RBFOX1: variants seen among roughly 807,000 people sequenced by gnomAD.
RBFOX1 encodes the protein RNA binding protein fox-1 homolog 1.
RBFOX1 carries 8 observed loss-of-function variants against 57.7 expected under a neutral mutation model. That is an observed-to-expected ratio of 0.14 (90% CI 0.08 to 0.25). The LOEUF (loss-of-function observed/expected upper bound fraction) is 0.25, where lower values mean the gene tolerates loss of function less well. RBFOX1 is among the 10% of genes least tolerant of loss of function. The probability of loss-of-function intolerance (pLI) is 1.00; values close to 1 mark genes in which losing one functional copy is unlikely to be tolerated. For synonymous variants in RBFOX1, 326 were observed against 222.4 expected (o/e 1.47, Z -4.15); for missense variants, 611 against 548.5 (o/e 1.11, Z -1.14).
intron 3 of RBFOX1, among the ~76,000 whole-genome samples, chr16:6,902,243 C>T (rs879891752): frequency 6.6e-6 from 1 of 152,142 alleles, no homozygotes; most frequent in African/African-American, 2.4e-5. Flanking sequence ...ATGTAACTCA[C>T]AGTTTCTGTA....
At chr16:7,332,772 A>C (rs147454622) in intron 4 of RBFOX1, 4 of 1,383,974 alleles carry the variant, frequency 2.9e-6, no homozygotes, top group Non-Finnish European at 3.7e-6. Flanking sequence ...GGTAGCTTCA[A>C]CTTTGCAGCT....
In RBFOX1 at chr16:6,988,731, A is replaced by ATTTTTTTT. The variant is rs111959126; in HGVS notation, c.-15-63322_-15-63315dup. ...AGGTGTGTGACATCACACCCAGCTA[A>ATTTTTTTT]TTTTTTTTTTTGTTTGTTTGTTTTT... On this transcript the variant is annotated intron_variant, in intron 3 of 15. Transcript: ENST00000550418. Among the ~76,000 whole-genome samples, 17 of 91,288 alleles carry ATTTTTTTT rather than the reference A, an allele frequency of 1.9e-4. 2 individuals are homozygous for ATTTTTTTT. Among genetic ancestry groups the ATTTTTTTT allele is most frequent in the African/African-American group, 6.9e-4 (13 of 18,726 alleles). 59.9% of individuals were successfully genotyped at this position (91,288 alleles called of 152,430 possible).
intron 3 of RBFOX1, among the ~76,000 whole-genome samples, chr16:6,970,537 G>A (rs2085307288): frequency 6.6e-6 from 1 of 152,164 alleles, no homozygotes; most frequent in Admixed American, 6.5e-5. Context: ...AGTGTCCGGT[G>A]AGGGCTGAGT....
intron 1 of RBFOX1, among the ~76,000 whole-genome samples, chr16:6,285,828 C>G (rs1422918942): frequency 6.6e-6 from 1 of 152,136 alleles, no homozygotes. Context: ...CGGATCCCAT[C>G]CAGAAGCATC....
At chr16:6,859,130 C>CGTATATATACGT (rs1238966168) in intron 3 of RBFOX1, among the ~76,000 whole-genome samples, 6 of 82,482 alleles carry the variant, frequency 7.3e-5, no homozygotes, top group Non-Finnish European at 1.3e-4. Flanking sequence ...TATATATATA[C>CGTATATATACGT]ATATATATAC....
At chr16:5,877,022 C>G (rs1286961138) in intron 4 of RBFOX1, among the ~76,000 whole-genome samples, 1 of 152,016 alleles carries the variant, frequency 6.6e-6, no homozygotes, top group East Asian at 1.9e-4. Context: ...TGTGGAAATC[C>G]CAGGCCAAGG....
intron 3 of RBFOX1, among the ~76,000 whole-genome samples, chr16:6,729,456 T>C (rs1394089108): frequency 1.3e-5 from 2 of 152,184 alleles, no homozygotes; most frequent in Non-Finnish European, 1.5e-5. Context: ...GAAGATAGTA[T>C]TGTAGGAGCC....
At position 5,394,844 on chromosome 16, in the gene RBFOX1, C is replaced by G. The variant is rs1030581163; in HGVS notation, c.220-72372C>G. Among the ~76,000 whole-genome samples, 10 of 152,124 alleles carry G rather than the reference C, an allele frequency of 6.6e-5. 1 individual carries two copies. In the South Asian group the frequency reaches 1.0e-3, roughly 16 times the overall value. ...GGATTACAGGTTTGAGCCGCTATGC[C>G]TGGCCTGTCTTTTTTTTCCTTATTA... is the stretch of plus-strand genomic sequence containing the variant. On this transcript the variant is annotated intron_variant, in intron 1 of 2. Transcript: ENST00000585867.
At chr16:7,002,773 C>T (rs12921822) in intron 3 of RBFOX1, among the ~76,000 whole-genome samples, 55,203 of 152,030 alleles carry the variant, frequency 0.36, 12,157 homozygotes, top group East Asian at 0.8. Context: ...AAATACACTT[C>T]CTGAATGTCG....
intron 4 of RBFOX1, among the ~76,000 whole-genome samples, chr16:7,106,396 C>G (rs887841495): frequency 1.3e-5 from 2 of 152,084 alleles, no homozygotes; most frequent in African/African-American, 4.8e-5. Context: ...TATTTTACAG[C>G]TCTTTATTCT....
intron 4 of RBFOX1, among the ~76,000 whole-genome samples, chr16:7,180,091 C>G (rs75824400): frequency 6.6e-6 from 1 of 151,986 alleles, no homozygotes; most frequent in African/African-American, 2.4e-5. Flanking sequence ...GAAAATATTT[C>G]TTCTTTTGTC....
At chr16:6,310,141 C>G (rs567534310) in intron 1 of RBFOX1, among the ~76,000 whole-genome samples, 119 of 152,312 alleles carry the variant, frequency 7.8e-4, no homozygotes, top group African/African-American at 2.7e-3. Context: ...CCACCTCGGC[C>G]TACGAAAGTG....
At chr16:7,149,688 A>G (rs1389102827) in intron 4 of RBFOX1, among the ~76,000 whole-genome samples, 1 of 151,514 alleles carries the variant, frequency 6.6e-6, no homozygotes, top group Non-Finnish European at 1.5e-5. Flanking sequence ...CTAGGATTAC[A>G]GGCATGAGCC....
intron 4 of RBFOX1, among the ~76,000 whole-genome samples, chr16:7,496,427 G>T (rs919396582): frequency 6.6e-6 from 1 of 152,184 alleles, no homozygotes; most frequent in African/African-American, 2.4e-5. Context: ...AGAGGGGTGA[G>T]CCACTGTGCC....
chr16:6,880,676 A>G (rs562671637), intron 3 of RBFOX1, among the ~76,000 whole-genome samples: 41 of 152,220 alleles, frequency 2.7e-4, no homozygotes, highest in Non-Finnish European at 5.3e-4. Flanking sequence ...TCTAGATAAA[A>G]AGAGCACTGA....
intron 1 of RBFOX1, among the ~76,000 whole-genome samples, chr16:6,305,314 G>T (rs1367149898): frequency 1.3e-5 from 2 of 152,192 alleles, no homozygotes; most frequent in Admixed American, 1.3e-4. Flanking sequence ...GTGAATTGGA[G>T]ATAATGATGC....
intron 3 of RBFOX1, among the ~76,000 whole-genome samples, chr16:6,698,981 C>T (rs1245797318): frequency 6.6e-6 from 1 of 152,152 alleles, no homozygotes; most frequent in Non-Finnish European, 1.5e-5. Context: ...TGAAAATGAG[C>T]TTAAAGCTAG....
intron 4 of RBFOX1, among the ~76,000 whole-genome samples, chr16:7,271,913 C>T (rs2153118251): frequency 6.6e-6 from 1 of 152,294 alleles, no homozygotes; most frequent in East Asian, 1.9e-4. Context: ...CCATGAGTGC[C>T]CCAGTCCTGC....
At position 7,502,252 on chromosome 16, in the gene RBFOX1, C is replaced by G. The variant is rs146370609; in HGVS notation, c.28-15895C>G. Among the ~76,000 whole-genome samples the G allele has an allele frequency of 5.9e-5, 9 of 152,310 alleles. No homozygotes were observed. The East Asian group carries it at 1.5e-3, about 26-fold the overall frequency. ...GCAAGCCAACCGATATCTATCATGT[C>G]AAACACCTGATTACTATGTGCGGAA... On this transcript the variant is annotated intron_variant, in intron 4 of 15. Coordinates refer to ENST00000550418, the MANE Select transcript of RBFOX1 (RefSeq NM_018723.4).
Sources: allele counts gnomAD v4.1 joint callset (sites outside exome capture counted in the v4.1 genomes callset), GRCh38; gene constraint gnomAD v4.1.1; transcripts MANE v1.5; gene names NCBI Gene and HGNC (gene_info 2026-07-23, HGNC 2026-07-21).